Variants in PLXNA4 observed in about 807,000 individuals in gnomAD.
The protein encoded by PLXNA4 is plexin A4.
In PLXNA4, 44 loss-of-function variants were observed where a neutral mutation model predicts 191.8. That is an observed-to-expected ratio of 0.23 (90% CI 0.18 to 0.29). PLXNA4 has a LOEUF of 0.29. PLXNA4 is among the 10% of genes least tolerant of loss of function. PLXNA4 has a pLI of 1.00. For missense variants in PLXNA4, 1,800 were observed against 2,488.8 expected (o/e 0.72, Z 5.89); for synonymous variants, 1,082 against 1,009.5 (o/e 1.07, Z -1.36).
chr7:132,281,966 G>T (rs1800494304), intron 4 of PLXNA4, among the ~76,000 whole-genome samples: 1 of 152,094 alleles, frequency 6.6e-6, no homozygotes, highest in Admixed American at 6.5e-5. Context: ...CAAATTTGTT[G>T]TAGTATGTTG....
intron 12 of PLXNA4, among the ~76,000 whole-genome samples, chr7:132,200,339 C>A (rs1008067234): frequency 6.6e-6 from 1 of 152,166 alleles, no homozygotes; most frequent in African/African-American, 2.4e-5. Flanking sequence ...CTGGGAGGAG[C>A]CGTTCCACAG....
In PLXNA4 at chr7:132,551,448, A is replaced by G. The variant is rs541620706; in HGVS notation, c.-87+24974T>C. ...AGCAACTCAAGAACAAAAAGAACAA[A>G]CCTATAATAGAAAAGCAATGCTTTT... On this transcript the variant is annotated intron_variant, in intron 1 of 31. Transcript: ENST00000321063. 4.8e-4 allele frequency among the ~76,000 whole-genome samples: 73 copies of G among 152,168 alleles called. 1 individual carries two copies. The highest frequency in any genetic ancestry group is 6.8e-3 in the Middle Eastern group (2 of 294).
intron 10 of PLXNA4, among the ~76,000 whole-genome samples, chr7:132,209,298 C>T (rs1167461092): frequency 6.6e-6 from 1 of 152,222 alleles, no homozygotes; most frequent in Non-Finnish European, 1.5e-5. Context: ...TCTCAAGAAA[C>T]AAGGCTGTTT....
intron 10 of PLXNA4, among the ~76,000 whole-genome samples, chr7:132,208,377 TAA>T (rs993739549): frequency 6.6e-6 from 1 of 152,106 alleles, no homozygotes; most frequent in African/African-American, 2.4e-5. Flanking sequence ...GTGTCAAAAT[TAA>T]AAAGTCATGG....
intron 13 of PLXNA4, among the ~76,000 whole-genome samples, chr7:132,197,651 G>A (rs532841868): frequency 3.2e-4 from 49 of 152,264 alleles, no homozygotes; most frequent in African/African-American, 1.1e-3. Context: ...CTGATCTGCT[G>A]TGAGCATCTT....
At chr7:132,247,213 A>C (rs924612626) in intron 4 of PLXNA4, among the ~76,000 whole-genome samples, 2 of 152,214 alleles carry the variant, frequency 1.3e-5, no homozygotes, top group African/African-American at 4.8e-5. Context: ...CAGATATAGC[A>C]TGCAGTCTCT....
intron 9 of PLXNA4, among the ~76,000 whole-genome samples, chr7:132,214,459 A>T (rs1584854988): frequency 6.6e-6 from 1 of 152,052 alleles, no homozygotes; most frequent in African/African-American, 2.4e-5. Context: ...GGCGCTGCTG[A>T]TTGACCCCAG....
intron 9 of PLXNA4, among the ~76,000 whole-genome samples, chr7:132,221,239 A>G (rs1269243520): frequency 2.6e-5 from 4 of 152,310 alleles, no homozygotes; most frequent in South Asian, 4.1e-4. Context: ...AGAGCAAACA[A>G]GAAAGAAAAA....
intron 24 of PLXNA4, among the ~76,000 whole-genome samples, chr7:132,162,889 T>A (rs999804593): frequency 1.2e-4 from 18 of 152,128 alleles, no homozygotes; most frequent in African/African-American, 3.9e-4. Flanking sequence ...AGGTGGGAAC[T>A]GTCTCCCCAG....
chr7:132,303,195 T>C (rs1177084805), intron 3 of PLXNA4, among the ~76,000 whole-genome samples: 3 of 151,526 alleles, frequency 2.0e-5, no homozygotes, highest in Non-Finnish European at 2.9e-5. Context: ...TTTTACATAG[T>C]ATAGATACTT....
Position 132,228,349 on chromosome 7 carries a change from C to T in PLXNA4, c.1725G>A (p.Val575=), listed in dbSNP as rs371668518. Residue 575 remains valine, a synonymous_variant, in exon 6 of 32, where the codon GTG becomes GTA. Coordinates refer to ENST00000321063, the MANE Select transcript of PLXNA4 (RefSeq NM_020911.2). The part of the protein sequence containing the change: ...PNNISVSQYN[V]LLVLETYNVP... ...CCCCAACCCCCACGACCCTTACCAG[C>T]ACGTTGTACTGAGAGACGGAGATAT... The T allele has an allele frequency of 1.1e-5, 18 of 1,614,012 alleles. No homozygotes were observed. Among genetic ancestry groups the T allele is most frequent in the Non-Finnish European group, 1.4e-5 (17 of 1,180,040 alleles).
intron 1 of PLXNA4, among the ~76,000 whole-genome samples, chr7:132,553,876 A>C (rs967459206): frequency 6.6e-6 from 1 of 151,952 alleles, no homozygotes; most frequent in African/African-American, 2.4e-5. Flanking sequence ...GAAAAGGGCA[A>C]CTCTTCCTGA....
intron 2 of PLXNA4, among the ~76,000 whole-genome samples, chr7:132,630,330 C>G (rs1339609547): frequency 6.6e-6 from 1 of 152,210 alleles, no homozygotes; most frequent in Non-Finnish European, 1.5e-5. Context: ...CAATCTATAA[C>G]AGAAAACTTC....
intron 2 of PLXNA4, among the ~76,000 whole-genome samples, chr7:132,644,757 G>A (rs548624135): frequency 1.4e-4 from 22 of 152,230 alleles, no homozygotes; most frequent in Admixed American, 3.3e-4. Context: ...TGCATGCCCC[G>A]TCCAAAATTA....
At chr7:132,316,436 G>A (rs766330486) in intron 3 of PLXNA4, among the ~76,000 whole-genome samples, 27 of 152,152 alleles carry the variant, frequency 1.8e-4, no homozygotes, top group Non-Finnish European at 2.8e-4. Context: ...AGCACTTTAC[G>A]GATCAAGTCA....
In PLXNA4 at chr7:132,390,268, G is replaced by A. The variant is rs1442009943; in HGVS notation, c.1372-92046C>T. Among the ~76,000 whole-genome samples the A allele has an allele frequency of 3.9e-5, 6 of 152,208 alleles. No homozygotes were observed. In the East Asian group the frequency reaches 7.8e-4, roughly 20 times the overall value. ...AAGGATGAGTTCCTATCCATTGCAG[G>A]GACATGGATGATGCTGGAAACCATC... On this transcript the variant is annotated intron_variant, in intron 3 of 31. Transcript: ENST00000321063.
At chr7:132,352,309 T>G (rs1284701217) in intron 3 of PLXNA4, 2 of 152,304 alleles carry the variant, frequency 1.3e-5, no homozygotes, top group Non-Finnish European at 2.9e-5. Flanking sequence ...ACTGGCCAGC[T>G]TCCGGTACTC....
intron 3 of PLXNA4, among the ~76,000 whole-genome samples, chr7:132,339,567 A>G (rs2116736821): frequency 6.6e-6 from 1 of 152,350 alleles, no homozygotes; most frequent in African/African-American, 2.4e-5. Flanking sequence ...TCAATAAAAA[A>G]GGGAAAAGAG....
chr7:132,427,711 T>C (rs1795101556), intron 3 of PLXNA4, among the ~76,000 whole-genome samples: 1 of 152,082 alleles, frequency 6.6e-6, no homozygotes, highest in Admixed American at 6.5e-5. Flanking sequence ...TCTTGGAGAG[T>C]CTGGTTCTTG....
Sources: gnomAD v4.1 joint callset for allele counts (sites outside exome capture counted in the v4.1 genomes callset) on GRCh38, gnomAD v4.1.1 for gene constraint, MANE v1.5 for transcripts, NCBI Gene and HGNC (gene_info 2026-07-23, HGNC 2026-07-21) for gene names.